The following CSMD2 variants were observed in gnomAD, a reference collection of about 807,000 sequenced individuals.
CSMD2 encodes CUB and sushi domain-containing protein 2.
CSMD2 carries 130 observed loss-of-function variants against 398.5 expected under a neutral mutation model. That is an observed-to-expected ratio of 0.33 (90% confidence interval 0.28 to 0.38). The LOEUF (loss-of-function observed/expected upper bound fraction) is 0.38. Among genes scored for constraint, CSMD2 ranks in the 10% least tolerant of loss-of-function variants. CSMD2 has a pLI of 1.00. For synonymous variants in CSMD2, 1,828 were observed against 1,908.5 expected, an observed-to-expected ratio of 0.96 and a Z score of 1.10; for missense variants, 3,829 against 4,764.9, an observed-to-expected ratio of 0.80 and a Z score of 5.78.
chr1:34,096,914 TA>T (rs1364103284), intron 1 of CSMD2, among the ~76,000 whole-genome samples: 1 of 149,036 alleles, frequency 6.7e-6, no homozygotes, highest in Non-Finnish European at 1.5e-5. Context: ...AAAACTACTT[TA>T]AAGTTCATAT....
At chr1:34,045,038 TACACACACACACACACACAC>T (rs10588687) in intron 2 of CSMD2, among the ~76,000 whole-genome samples, 3 of 142,716 alleles carry the variant, frequency 2.1e-5, no homozygotes, top group Non-Finnish European at 3.1e-5. Context: ...TCACACACCA[TACACACACACACACACACAC>T]ACACACACAC....
chr1:33,921,258 G>A (rs1048377171), intron 4 of CSMD2, among the ~76,000 whole-genome samples: 7 of 152,206 alleles, frequency 4.6e-5, no homozygotes, highest in Admixed American at 3.9e-4. Context: ...CAGTGGTGCT[G>A]TTGATTTGTT....
At chr1:33,702,176 G>C (rs1645633022) in intron 22 of CSMD2, among the ~76,000 whole-genome samples, 1 of 152,210 alleles carries the variant, frequency 6.6e-6, no homozygotes, top group Non-Finnish European at 1.5e-5. Context: ...AAAGAAAAGA[G>C]ATGGAGGGAG....
At chr1:33,820,578 A>AAAAC in intron 7 of CSMD2, 22 bp from the exon 8 acceptor site, 1 of 1,185,444 alleles carries the variant, frequency 8.4e-7, no homozygotes, top group South Asian at 1.3e-5. Context: ...AAAAAAAAAA[A>AAAAC]AAAAAAAAAA....
intron 3 of CSMD2, among the ~76,000 whole-genome samples, chr1:33,936,177 CAT>C (rs748211843): frequency 3.3e-5 from 5 of 152,240 alleles, no homozygotes; most frequent in African/African-American, 7.2e-5. Flanking sequence ...AAATCTCACA[CAT>C]GAGTTTACAA....
intron 3 of CSMD2, among the ~76,000 whole-genome samples, chr1:33,938,592 T>A (rs960115744): frequency 2.6e-5 from 4 of 151,738 alleles, no homozygotes; most frequent in African/African-American, 7.3e-5. Context: ...GCATTTCCCA[T>A]GATACCATGT....
At chr1:34,058,684 T>G (rs146047222) in intron 2 of CSMD2, among the ~76,000 whole-genome samples, 1 of 152,254 alleles carries the variant, frequency 6.6e-6, no homozygotes, top group Non-Finnish European at 1.5e-5. Context: ...AGGGTCTGAG[T>G]GCCCACTGGG....
rs747447313 is a variant in CSMD2 at position 33,537,087 on chromosome 1, G to T, written c.9814C>A (p.Leu3272Met). ...GTQPSCIDPT[L>M]TTCADPGVPQ... ...ACACCAGGGTCCGCACACGTGGTCA[G>T]GGTCGGATCTGGATGGCCAAAACAA... The change falls in exon 62 of 71, where the codon CTG becomes ATG. Residue 3272 changes from leucine (L) to methionine (M), a missense_variant. Physicochemically the swap from Leu to Met is conservative, Grantham distance 15 (BLOSUM62 2). Around this residue, in one of 5 missense-constraint regions of CSMD2, gnomAD observed 917 missense variants for 1,199.5 expected, o/e 0.76. Coordinates refer to ENST00000373381, the MANE Select transcript of CSMD2 (RefSeq NM_001281956.2). This position sits in a 1 kb window ranked among gnomAD's most constrained non-coding sequence, Gnocchi z 4.6. The T allele has an allele frequency of 4.3e-6, 7 of 1,614,180 alleles. No individual in the cohort carries two copies.
At chr1:34,135,355 T>G (rs1638624099) in intron 1 of CSMD2, among the ~76,000 whole-genome samples, 1 of 151,720 alleles carries the variant, frequency 6.6e-6, no homozygotes, top group African/African-American at 2.4e-5. Context: ...AAGAACTGAT[T>G]GACTCCTGTA....
chr1:33,675,636 C>G (rs911607826), intron 25 of CSMD2, among the ~76,000 whole-genome samples: 1 of 152,168 alleles, frequency 6.6e-6, no homozygotes, highest in Non-Finnish European at 1.5e-5. Flanking sequence ...GATACCAAAG[C>G]CTGGCAGAGA....
chr1:33,592,464 C>A (rs1476834633), intron 44 of CSMD2: 1 of 716,888 alleles, frequency 1.4e-6, no homozygotes, highest in Admixed American at 2.0e-5. Flanking sequence ...AGGGGTGTCA[C>A]AATGTACAAA....
chr1:34,033,036 C>T (rs1311065450), intron 2 of CSMD2, among the ~76,000 whole-genome samples: 1 of 152,200 alleles, frequency 6.6e-6, no homozygotes, highest in South Asian at 2.1e-4. Flanking sequence ...GTATAATTCC[C>T]CATGAGTTTA....
intron 1 of CSMD2, among the ~76,000 whole-genome samples, chr1:34,125,507 C>CTG (rs35436778): frequency 0.19 from 27,094 of 140,648 alleles, 2,589 homozygotes; most frequent in Admixed American, 0.26. Flanking sequence ...TCAACCTTGG[C>CTG]TGTGTGTGTG....
At chr1:33,877,232 G>A (rs1640901415) in intron 5 of CSMD2, among the ~76,000 whole-genome samples, 1 of 152,096 alleles carries the variant, frequency 6.6e-6, no homozygotes. Flanking sequence ...ACTCAGCATT[G>A]CCTCTTCCTA....
chr1:33,968,691 G>A (rs80354745), intron 3 of CSMD2, among the ~76,000 whole-genome samples: 2,088 of 152,236 alleles, frequency 0.014, 86 homozygotes, highest in East Asian at 0.13. Flanking sequence ...TGAAAATGCA[G>A]CCCCACCATC....
intron 44 of CSMD2, among the ~76,000 whole-genome samples, chr1:33,594,558 T>C (rs1639710986): frequency 6.6e-6 from 1 of 152,218 alleles, no homozygotes; most frequent in Non-Finnish European, 1.5e-5. Context: ...TTCTTTCATC[T>C]CAGAAAAGTT....
Position 33,635,079 on chromosome 1 carries a change from G to A in CSMD2, c.5086+135C>T. 3.2e-6 allele frequency: 2 copies of A among 615,728 alleles called. No individual in the cohort carries two copies. The highest frequency in any genetic ancestry group is 3.0e-6 in the Non-Finnish European group (1 of 334,396). The allele number at this position is 615,728 out of a possible 1,614,324, so 38.1% of individuals were successfully genotyped here. A position where few individuals can be genotyped will look rare whatever the true frequency, so the allele number is the denominator to read the frequency against. On this transcript the variant is annotated intron_variant, in intron 31 of 70. Coordinates refer to ENST00000373381, the MANE Select transcript of CSMD2 (RefSeq NM_001281956.2). The surrounding 1 kb of genome is among the most constrained non-coding windows in gnomAD (Gnocchi z 5.0). Reference sequence around the variant, plus strand: ...GTTTGAGAAACGTCAGCACTCGGCCGTCCTTTTGGGGAGACTGTTCTGCGA... The same window carrying A: ...GTTTGAGAAACGTCAGCACTCGGCCATCCTTTTGGGGAGACTGTTCTGCGA...
At chr1:33,538,403 C>G (rs1205568080) in intron 60 of CSMD2, among the ~76,000 whole-genome samples, 1 of 152,210 alleles carries the variant, frequency 6.6e-6, no homozygotes, top group Admixed American at 6.5e-5. Context: ...AAATTGACTA[C>G]CAAAGGCAAA....
At chr1:33,891,554 T>C (rs1642019362) in intron 5 of CSMD2, among the ~76,000 whole-genome samples, 1 of 151,674 alleles carries the variant, frequency 6.6e-6, no homozygotes, top group African/African-American at 2.4e-5. Flanking sequence ...ACTGGGTATA[T>C]ACCCAAAGGA....
Sources: gnomAD v4.1 joint callset for allele counts (sites outside exome capture counted in the v4.1 genomes callset) on GRCh38, gnomAD v4.1.1 for gene constraint, gnomAD v4.1.1 regional missense constraint, Gnocchi (gnomAD v3.1) non-coding constraint, MANE v1.5 for transcripts, NCBI Gene and HGNC (gene_info 2026-07-23, HGNC 2026-07-21) for gene names.